CDH13: variants seen among roughly 807,000 people sequenced by gnomAD.
CDH13 encodes cadherin 13.
A neutral mutation model predicts 63.8 loss-of-function variants in CDH13; 24 were observed. The ratio of observed to expected loss-of-function variants is 0.38; its 90% CI spans 0.27 to 0.53. The LOEUF is 0.53. Ranked by LOEUF, CDH13 falls within the 20% of genes least tolerant of loss-of-function variation. CDH13 has a pLI of 0.85. For synonymous variants in CDH13, 503 were observed against 355.3 expected, an observed-to-expected ratio of 1.42 and a Z score of -4.67; for missense variants, 1,049 against 903.1, an observed-to-expected ratio of 1.16 and a Z score of -2.07.
chr16:83,668,543 C>A (rs972022858), intron 8 of CDH13, among the ~76,000 whole-genome samples: 3 of 152,162 alleles, frequency 2.0e-5, no homozygotes, highest in African/African-American at 7.2e-5. Flanking sequence ...GTCAGAAGAA[C>A]CACAAGGACG....
At chr16:82,903,588 G>T (rs1414861979) in intron 2 of CDH13, among the ~76,000 whole-genome samples, 1 of 151,928 alleles carries the variant, frequency 6.6e-6, no homozygotes, top group Non-Finnish European at 1.5e-5. Context: ...GTTTTATTCT[G>T]GTGTTTTAGT....
chr16:83,326,206 G>A (rs10514578), intron 5 of CDH13, among the ~76,000 whole-genome samples: 11,974 of 151,890 alleles, frequency 0.079, 655 homozygotes, highest in Non-Finnish European at 0.12. Context: ...AGAATTTTTC[G>A]CCGGACAACA....
intron 7 of CDH13, among the ~76,000 whole-genome samples, chr16:83,561,397 G>A (rs9925355): frequency 7.0e-4 from 98 of 140,004 alleles, no homozygotes; most frequent in African/African-American, 2.5e-3. Context: ...TTGCACTTCA[G>A]CCTGAGCAAC....
chr16:82,853,913 A>G (rs1244392900), intron 1 of CDH13, among the ~76,000 whole-genome samples: 1 of 152,242 alleles, frequency 6.6e-6, no homozygotes, highest in Admixed American at 6.5e-5. Context: ...ATTTTTATGC[A>G]TGTGACATCT....
At chr16:83,762,557 G>T (rs1196262017) in intron 11 of CDH13, among the ~76,000 whole-genome samples, 1 of 152,138 alleles carries the variant, frequency 6.6e-6, no homozygotes, top group South Asian at 2.1e-4. Context: ...CACCAGAAAG[G>T]TCAAATGTTA....
intron 6 of CDH13, among the ~76,000 whole-genome samples, chr16:83,391,023 C>T (rs531185399): frequency 6.6e-6 from 1 of 152,274 alleles, no homozygotes; most frequent in East Asian, 1.9e-4. Flanking sequence ...ATACAAAGTA[C>T]AACGAACAGT....
At chr16:82,948,450 A>G (rs1834220162) in intron 2 of CDH13, among the ~76,000 whole-genome samples, 1 of 152,180 alleles carries the variant, frequency 6.6e-6, no homozygotes, top group Non-Finnish European at 1.5e-5. Context: ...TGCTGTCTTC[A>G]TCACAGTCCC....
intron 1 of CDH13, among the ~76,000 whole-genome samples, chr16:82,732,935 G>T (rs1164153331): frequency 6.6e-6 from 1 of 152,162 alleles, no homozygotes; most frequent in Non-Finnish European, 1.5e-5. Flanking sequence ...TTAAGTTTAG[G>T]ATCTCAGAAA....
intron 2 of CDH13, among the ~76,000 whole-genome samples, chr16:82,948,271 A>T (rs1904946862): frequency 6.6e-6 from 1 of 152,186 alleles, no homozygotes; most frequent in Non-Finnish European, 1.5e-5. Context: ...GGACCAAGAC[A>T]ATAAAGCAGA....
chr16:82,885,301 G>GA (rs550939804), intron 2 of CDH13, among the ~76,000 whole-genome samples: 7 of 151,806 alleles, frequency 4.6e-5, no homozygotes, highest in African/African-American at 9.7e-5. Context: ...GCAAAAAGAA[G>GA]AAAAAAAATC....
At chr16:83,043,266 A>T (rs1240336098) in intron 3 of CDH13, among the ~76,000 whole-genome samples, 6 of 152,184 alleles carry the variant, frequency 3.9e-5, no homozygotes, top group Non-Finnish European at 8.8e-5. Flanking sequence ...GATTAATTTT[A>T]ATTGAAATTC....
At chr16:83,100,267 A>T (rs1243534466) in intron 3 of CDH13, among the ~76,000 whole-genome samples, 1 of 152,168 alleles carries the variant, frequency 6.6e-6, no homozygotes, top group Non-Finnish European at 1.5e-5. Context: ...TAAGTAAAAT[A>T]TGTGGTATGA....
chr16:83,726,677 T>A (rs1317407237), intron 10 of CDH13, among the ~76,000 whole-genome samples: 2 of 151,936 alleles, frequency 1.3e-5, no homozygotes, highest in Non-Finnish European at 2.9e-5. Context: ...CTACTAAAAA[T>A]ACAAAAAAAA....
intron 3 of CDH13, among the ~76,000 whole-genome samples, chr16:83,080,903 CAG>C (rs1245163700): frequency 8.7e-4 from 17 of 19,502 alleles, no homozygotes; most frequent in East Asian, 5.1e-3. Context: ...TTTTTTGAGA[CAG>C]AGTTTTGCTG....
chr16:82,814,446 C>T (rs536283784), intron 1 of CDH13, among the ~76,000 whole-genome samples: 32 of 152,188 alleles, frequency 2.1e-4, no homozygotes, highest in Non-Finnish European at 4.0e-4. Flanking sequence ...TGATCACCAA[C>T]GGTCAGTGAG....
intron 8 of CDH13, among the ~76,000 whole-genome samples, chr16:83,629,652 C>G (rs543278826): frequency 6.6e-6 from 1 of 152,200 alleles, no homozygotes; most frequent in Admixed American, 6.5e-5. Flanking sequence ...AAATTACACT[C>G]CCTCATTTAT....
At chr16:82,736,350 A>G (rs944828144) in intron 1 of CDH13, among the ~76,000 whole-genome samples, 6 of 152,206 alleles carry the variant, frequency 3.9e-5, no homozygotes, top group Admixed American at 3.9e-4. Flanking sequence ...GAAGAAAAAA[A>G]CAGAACTTCT....
chr16:83,792,071 G>C (rs934989455), intron 13 of CDH13, among the ~76,000 whole-genome samples: 2 of 152,166 alleles, frequency 1.3e-5, no homozygotes, highest in Non-Finnish European at 2.9e-5. Flanking sequence ...TTTCTAGAAT[G>C]TCTTAAAGTG....
chr16:83,421,653 AC>A (rs146285070), intron 6 of CDH13, among the ~76,000 whole-genome samples: 8,565 of 152,250 alleles, frequency 0.056, 343 homozygotes, highest in African/African-American at 0.11. Flanking sequence ...ATTATTCAGG[AC>A]CAGATTACAT....
Sources: allele counts gnomAD v4.1 joint callset (sites outside exome capture counted in the v4.1 genomes callset), GRCh38; gene constraint gnomAD v4.1.1; transcripts MANE v1.5; gene names NCBI Gene and HGNC (gene_info 2026-07-23, HGNC 2026-07-21).